Variants in KEL observed in about 807,000 individuals in gnomAD.
KEL encodes the protein kell blood group glycoprotein.
In KEL, 96 loss-of-function variants were observed where a neutral mutation model predicts 99.5. The ratio of observed to expected loss-of-function variants is 0.97; its 90% confidence interval spans 0.82 to 1.14. KEL has a LOEUF of 1.14. KEL is among the 50% of genes most tolerant of loss of function. KEL has a pLI of 0.00. For synonymous variants in KEL, 355 were observed against 354.8 expected, an observed-to-expected ratio of 1.00 and a Z score of -0.01; for missense variants, 926 against 924.2, an observed-to-expected ratio of 1.00 and a Z score of -0.03.
intron 11 of KEL, chr7:142,944,960 G>A (rs776726322): frequency 2.1e-5 from 13 of 613,304 alleles, no homozygotes; most frequent in Admixed American, 5.5e-5. Flanking sequence ...CTGGCCATCC[G>A]TGAGGGCCAT....
chr7:142,943,144 G>A, intron 16 of KEL, 100 bp from the exon 17 acceptor site: 1 of 1,558,080 alleles, frequency 6.4e-7, no homozygotes, highest in Non-Finnish European at 8.8e-7. Context: ...TCAGCTCCCA[G>A]GAGCATGGCA....
intron 18 of KEL, among the ~76,000 whole-genome samples, chr7:142,941,679 C>T (rs776433695): frequency 3.3e-5 from 5 of 152,000 alleles, no homozygotes; most frequent in South Asian, 2.1e-4. Context: ...CTAATCTAAG[C>T]GTGTTGAAGA....
At chr7:142,941,534 C>G (rs1434885434) in intron 18 of KEL, 121 bp from the exon 19 acceptor site, 1 of 855,392 alleles carries the variant, frequency 1.2e-6, no homozygotes, top group Non-Finnish European at 1.8e-6. Flanking sequence ...GCCCCAAGGG[C>G]CACATGGAGC....
Position 142,942,338 on chromosome 7 carries a change from T to A in KEL, c.2037+96A>T, listed in dbSNP as rs559485635. 17 of 814,936 alleles carry A rather than the reference T, an allele frequency of 2.1e-5. No individual in the cohort carries two copies. The African/African-American group carries it at 2.9e-4, about 14-fold the overall frequency. The allele number at this position is 814,936 out of a possible 1,614,324, so 50.5% of individuals were successfully genotyped here. On this transcript the variant is annotated intron_variant, in intron 18 of 18. Transcript: ENST00000355265. ...TCTGCAGAAGAGGGTTTGGGGTATTTGACGGAGTGTCTGAAGAGGGGACTT... is the reference window on the plus strand; with the variant it reads ...TCTGCAGAAGAGGGTTTGGGGTATTAGACGGAGTGTCTGAAGAGGGGACTT...
intron 4 of KEL, among the ~76,000 whole-genome samples, chr7:142,958,834 G>T (rs1796891553): frequency 6.6e-6 from 1 of 152,128 alleles, no homozygotes; most frequent in East Asian, 1.9e-4. Flanking sequence ...GACTTCAAAA[G>T]AACTTCGGTC....
rs1796524856 is a variant in KEL, at chr7:142,946,263, G to C, written c.1258C>G (p.Pro420Ala). Residue 420 changes from proline to alanine, a missense_variant, in exon 11 of 19, where the codon CCC becomes GCC. By Grantham distance (27) the Pro-to-Ala change is conservative. Coordinates refer to ENST00000355265, the MANE Select transcript of KEL (RefSeq NM_000420.3). ...CVEETGTFFE[P>A]TLAALFVREA... ...CGAACAAACAAAGCCGCCAGCGTGGGCTCGAAGAACGTGCCTGTCTCCTCC... is the reference window on the plus strand; with the variant it reads ...CGAACAAACAAAGCCGCCAGCGTGGCCTCGAAGAACGTGCCTGTCTCCTCC... 3 of 1,614,154 alleles carry C rather than the reference G, an allele frequency of 1.9e-6. No individual in the cohort carries two copies. Among genetic ancestry groups the C allele is most frequent in the Non-Finnish European group, 2.5e-6 (3 of 1,180,016 alleles).
rs747754194 is a variant in KEL at position 142,952,558 on chromosome 7, C to T, written c.1154G>A (p.Arg385His). Residue 385 changes from arginine (R) to histidine (H), a missense_variant, in exon 10 of 19, where the codon CGC (arginine) becomes CAC (histidine). Coordinates refer to ENST00000355265, the MANE Select transcript of KEL (RefSeq NM_000420.3). ...CCGCAGTTTCTGGCTGAGCTTTCTG[C>T]GTGCCTCCTGGAATTGACTGTCCAG... ...PALDSQFQEA[R>H]RKLSQKLREL... The T allele has an allele frequency of 1.1e-5, 17 of 1,614,004 alleles. No homozygotes were observed. The highest frequency in any genetic ancestry group is 6.7e-5 in the Admixed American group (4 of 60,002).
chr7:142,942,105 A>G (rs1796375821), intron 18 of KEL: 2 of 398,262 alleles, frequency 5.0e-6, no homozygotes, highest in Non-Finnish European at 4.6e-6. Flanking sequence ...CACTGTGCCC[A>G]ACCACAGGCT....
intron 1 of KEL, 38 bp downstream of exon 1, chr7:142,962,166 C>T: frequency 6.2e-7 from 1 of 1,614,060 alleles, no homozygotes; most frequent in Non-Finnish European, 8.5e-7. Flanking sequence ...CACCCTCACC[C>T]CTCCCCGCTA....
At chr7:142,942,402 G>C (rs746672530) in intron 18 of KEL, 32 bp downstream of exon 18, 4 of 1,490,490 alleles carry the variant, frequency 2.7e-6, no homozygotes, top group Non-Finnish European at 3.7e-6. Context: ...CTGACATAAA[G>C]CAAGCTGTGG....
chr7:142,947,542 C>A (rs890391730), intron 10 of KEL, among the ~76,000 whole-genome samples: 5 of 152,144 alleles, frequency 3.3e-5, no homozygotes, highest in Non-Finnish European at 7.3e-5. Context: ...GTCTGCTAAC[C>A]TTGAGTCTTA....
intron 17 of KEL, 111 bp from the exon 18 acceptor site, chr7:142,942,640 G>A: frequency 1.1e-6 from 1 of 902,032 alleles, no homozygotes; most frequent in Non-Finnish European, 1.8e-6. Context: ...GTTCTGCACT[G>A]ACTAGTTGAT....
In KEL at chr7:142,961,351, C is replaced by A; in HGVS notation, c.223+9G>T. 1 of 1,613,060 alleles carries A rather than the reference C, an allele frequency of 6.2e-7. No individual in the cohort carries two copies. The highest frequency in any genetic ancestry group is 8.5e-7 in the Non-Finnish European group (1 of 1,180,044). ...CTGACTAGGTTAGGGGGTCTGGGAT[C>A]TTGCTTACGAGGGCCACAGTTCTGG... is the stretch of plus-strand genomic sequence containing the variant. On this transcript the variant is annotated intron_variant, in intron 3 of 18. Transcript: ENST00000355265.
chr7:142,958,403 G>T lies in KEL; in HGVS notation c.426C>A (p.Gly142=), dbSNP rs2116681591. ...ACTGGAAGGCTTTCTCCTCCCCAGA[G>T]CCTGGGTGCCAGGAATTCTGGACCT... is the stretch of plus-strand genomic sequence containing the variant. ...ILEVQNSWHP[G]SGEEKAFQFY... The change falls in exon 5 of 19, where the codon GGC becomes GGA. Residue 142 remains glycine (G), a synonymous_variant. Coordinates refer to ENST00000355265, the MANE Select transcript of KEL (RefSeq NM_000420.3). 1.2e-6 allele frequency: 2 copies of T among 1,614,122 alleles called. No individual in the cohort carries two copies. The highest frequency in any genetic ancestry group is 1.7e-6 in the Non-Finnish European group (2 of 1,180,042).
Position 142,957,900 on chromosome 7 carries a change from T to C in KEL, c.599A>G (p.Gln200Arg). ...TCTGAAGAAAGGGAAATGGCCATAC[T>C]GACTCATCAGAAGTCTCAGCGTTCG... is the stretch of plus-strand genomic sequence containing the variant. ...FNRTLRLLMS[Q>R]YGHFPFFRAY... The change falls in exon 6 of 19, where the codon CAG becomes CGG. Residue 200 changes from glutamine to arginine, a missense_variant. Transcript: ENST00000355265. 6.2e-7 allele frequency: 1 copy of C among 1,614,092 alleles called. No homozygotes were observed. Among genetic ancestry groups the C allele is most frequent in the Non-Finnish European group, 8.5e-7 (1 of 1,179,982 alleles).
At chr7:142,945,102 A>T (rs1796488811) in intron 11 of KEL, among the ~76,000 whole-genome samples, 1 of 152,196 alleles carries the variant, frequency 6.6e-6, no homozygotes, top group African/African-American at 2.4e-5. Flanking sequence ...CCTCTGGCTC[A>T]GGGCTCTTGT....
At position 142,953,203 on chromosome 7, in the gene KEL, G is replaced by A. The variant is rs1440111605; in HGVS notation, c.1074-565C>T. 3 of 251,542 alleles carry A rather than the reference G, an allele frequency of 1.2e-5. No individual in the cohort carries two copies. In the Admixed American group the frequency reaches 1.9e-4, roughly 16 times the overall value. 15.6% of individuals were successfully genotyped at this position (251,542 alleles called of 1,614,324 possible). A position where few individuals can be genotyped will look rare whatever the true frequency, so the allele number is the denominator to read the frequency against. The stretch of plus-strand genomic sequence containing the variant: ...TGGTAGCCACCCAGGTATCAGGGGA[G>A]GCAGAGAGCCCAACAAAGAGCCACT... On this transcript the variant is annotated intron_variant, in intron 9 of 18. Transcript: ENST00000355265.
At chr7:142,961,769 C>T (rs751453375) in intron 2 of KEL, 26 bp downstream of exon 2, 1 of 1,591,368 alleles carries the variant, frequency 6.3e-7, no homozygotes, top group East Asian at 2.2e-5. Flanking sequence ...CAGTGTATTC[C>T]AGACCCAGGA....
chr7:142,956,540 G>T (rs1796834844), intron 6 of KEL, among the ~76,000 whole-genome samples: 1 of 150,994 alleles, frequency 6.6e-6, no homozygotes, highest in Non-Finnish European at 1.5e-5. Flanking sequence ...ACCTCCCACT[G>T]CACCCCACCT....
Sources: gnomAD v4.1 joint callset for allele counts (sites outside exome capture counted in the v4.1 genomes callset) on GRCh38, gnomAD v4.1.1 for gene constraint, MANE v1.5 for transcripts, NCBI Gene and HGNC (gene_info 2026-07-23, HGNC 2026-07-21) for gene names.